The following SGMS1 variants were observed in gnomAD, a reference collection of about 807,000 sequenced individuals.
The protein encoded by SGMS1 is phosphatidylcholine:ceramide cholinephosphotransferase 1.
In SGMS1, 13 loss-of-function variants were observed where a neutral mutation model predicts 46.2. The ratio of observed to expected loss-of-function variants is 0.28; its 90% CI spans 0.18 to 0.45. The LOEUF (loss-of-function observed/expected upper bound fraction) is 0.45. SGMS1 is among the 20% of genes least tolerant of loss of function. SGMS1 has a pLI of 1.00. For synonymous variants in SGMS1, 203 were observed against 187.8 expected, an observed-to-expected ratio of 1.08 and a Z score of -0.66; for missense variants, 324 against 519.9, an observed-to-expected ratio of 0.62 and a Z score of 3.66.
intron 6 of SGMS1, among the ~76,000 whole-genome samples, chr10:50,410,605 T>C (rs1199790353): frequency 1.3e-5 from 2 of 151,894 alleles, no homozygotes; most frequent in Non-Finnish European, 2.9e-5. Context: ...AAATATGTTC[T>C]GTGTCTTCCT....
chr10:50,577,707 C>T (rs1838397886), intron 2 of SGMS1, among the ~76,000 whole-genome samples: 1 of 152,178 alleles, frequency 6.6e-6, no homozygotes, highest in Non-Finnish European at 1.5e-5. Context: ...CAGGCCAACG[C>T]TTTTAAGTGG....
intron 6 of SGMS1, among the ~76,000 whole-genome samples, chr10:50,426,811 T>C (rs555855041): frequency 1.2e-4 from 18 of 152,338 alleles, no homozygotes; most frequent in Non-Finnish European, 2.4e-4. Flanking sequence ...CCAGGACTTG[T>C]CACTAGTAAA....
intron 3 of SGMS1, among the ~76,000 whole-genome samples, chr10:50,471,051 G>C (rs61856834): frequency 2.0e-3 from 302 of 152,294 alleles, no homozygotes; most frequent in Admixed American, 3.5e-3. Flanking sequence ...CCTTAAGGAA[G>C]TAGTTACTAA....
intron 6 of SGMS1, among the ~76,000 whole-genome samples, chr10:50,379,787 T>C (rs1447091807): frequency 6.6e-6 from 1 of 152,188 alleles, no homozygotes; most frequent in East Asian, 1.9e-4. Flanking sequence ...AGTCATATTT[T>C]CTAGAGATTT....
intron 6 of SGMS1, among the ~76,000 whole-genome samples, chr10:50,428,414 C>G (rs1192174904): frequency 6.6e-6 from 1 of 152,090 alleles, no homozygotes; most frequent in Non-Finnish European, 1.5e-5. Context: ...GGGCATCAGC[C>G]TTCTGTAGAG....
chr10:50,442,119 T>TA (rs1241326969), intron 5 of SGMS1, among the ~76,000 whole-genome samples: 1 of 151,640 alleles, frequency 6.6e-6, no homozygotes, highest in African/African-American at 2.4e-5. Context: ...TGGTTAAAGA[T>TA]AAAAAACAAA....
At chr10:50,550,856 G>C (rs546516908) in intron 2 of SGMS1, among the ~76,000 whole-genome samples, 17 of 152,234 alleles carry the variant, frequency 1.1e-4, no homozygotes, top group African/African-American at 3.1e-4. Context: ...GCCAAAGCTG[G>C]AACAACTTGA....
chr10:50,454,066 A>AAG (rs1554940646), intron 5 of SGMS1, among the ~76,000 whole-genome samples: 35 of 148,650 alleles, frequency 2.4e-4, no homozygotes, highest in East Asian at 1.8e-3. Context: ...AAAAAAAAAA[A>AAG]AAAGAAAGAA....
chr10:50,401,102 A>G (rs10825903), intron 6 of SGMS1, among the ~76,000 whole-genome samples: 26,955 of 152,184 alleles, frequency 0.18, 2,707 homozygotes, highest in African/African-American at 0.27. Flanking sequence ...ATTATCTGAC[A>G]CTTGAGCCAG....
At chr10:50,394,655 C>G (rs887409785) in intron 6 of SGMS1, among the ~76,000 whole-genome samples, 4 of 152,164 alleles carry the variant, frequency 2.6e-5, no homozygotes, top group African/African-American at 7.2e-5. Flanking sequence ...ATAGCAAAAA[C>G]AAGTTTTTTA....
chr10:50,492,967 C>T (rs1837579397), intron 3 of SGMS1, among the ~76,000 whole-genome samples: 1 of 152,176 alleles, frequency 6.6e-6, no homozygotes, highest in African/African-American at 2.4e-5. Flanking sequence ...TAAACCTCCT[C>T]TCTTAACCTC....
At chr10:50,443,659 C>A (rs1849572944) in intron 5 of SGMS1, among the ~76,000 whole-genome samples, 1 of 151,942 alleles carries the variant, frequency 6.6e-6, no homozygotes, top group South Asian at 2.1e-4. Flanking sequence ...CAAGCTAAAG[C>A]AAAATGATAC....
At chr10:50,395,857 G>A (rs1848842039) in intron 6 of SGMS1, among the ~76,000 whole-genome samples, 1 of 152,028 alleles carries the variant, frequency 6.6e-6, no homozygotes, top group Admixed American at 6.5e-5. Context: ...GACAAGAAAT[G>A]GCACAAATCA....
At chr10:50,534,270 A>G (rs956710288) in intron 2 of SGMS1, among the ~76,000 whole-genome samples, 2 of 152,228 alleles carry the variant, frequency 1.3e-5, no homozygotes, top group Non-Finnish European at 2.9e-5. Flanking sequence ...AGATGTATTC[A>G]TCTATCATTT....
chr10:50,515,364 C>T (rs1414193832), intron 3 of SGMS1, among the ~76,000 whole-genome samples: 1 of 152,154 alleles, frequency 6.6e-6, no homozygotes, highest in Non-Finnish European at 1.5e-5. Flanking sequence ...TTGATACGAC[C>T]AGAATCCAAC....
chr10:50,499,211 C>T (rs533604743), intron 3 of SGMS1, among the ~76,000 whole-genome samples: 20 of 152,264 alleles, frequency 1.3e-4, no homozygotes, highest in Non-Finnish European at 2.4e-4. Context: ...ATCCTGTATT[C>T]AAATATGAAA....
chr10:50,494,893 G>A (rs1325352169), intron 3 of SGMS1, among the ~76,000 whole-genome samples: 3 of 151,646 alleles, frequency 2.0e-5, no homozygotes, highest in Non-Finnish European at 2.9e-5. Context: ...AAAATTAGCC[G>A]GGCATAGTGG....
chr10:50,542,560 A>G (rs1488292708), intron 2 of SGMS1, among the ~76,000 whole-genome samples: 1 of 151,704 alleles, frequency 6.6e-6, no homozygotes, highest in Non-Finnish European at 1.5e-5. Context: ...GTCCAAATAA[A>G]ATGGTTAAAA....
At chr10:50,404,530 G>C (rs757577920) in intron 6 of SGMS1, among the ~76,000 whole-genome samples, 1 of 152,060 alleles carries the variant, frequency 6.6e-6, no homozygotes, top group Non-Finnish European at 1.5e-5. Flanking sequence ...TTGAGCCCAC[G>C]AGTTTGAGGT....
Sources: gnomAD v4.1 joint callset for allele counts (sites outside exome capture counted in the v4.1 genomes callset) on GRCh38, gnomAD v4.1.1 for gene constraint, MANE v1.5 for transcripts, NCBI Gene and HGNC (gene_info 2026-07-23, HGNC 2026-07-21) for gene names.